The following BBS9 variants were observed in gnomAD, a reference collection of about 807,000 sequenced individuals.
BBS9 encodes the protein Bardet-Biedl syndrome 9.
BBS9 carries 89 observed loss-of-function variants against 117.7 expected under a neutral mutation model. The observed-to-expected ratio is 0.76, with a 90% CI of 0.64 to 0.90. The LOEUF (loss-of-function observed/expected upper bound fraction) is 0.90, where lower values mean the gene tolerates loss of function less well. BBS9 is among the 40% of genes least tolerant of loss of function. The pLI, the probability that BBS9 is intolerant of heterozygous loss-of-function variation, is 0.00. For missense variants in BBS9, 982 were observed against 1,042.2 expected (o/e 0.94, Z 0.80); for synonymous variants, 379 against 370.9 (o/e 1.02, Z -0.25).
intron 19 of BBS9, among the ~76,000 whole-genome samples, chr7:33,407,873 C>T (rs1439256106): frequency 3.3e-5 from 5 of 152,232 alleles, no homozygotes; most frequent in Non-Finnish European, 5.9e-5. Context: ...TTAGGCTGCT[C>T]GTGGGTCAGG....
chr7:33,538,773 TAA>T (rs56727625), intron 21 of BBS9, among the ~76,000 whole-genome samples: 5 of 144,684 alleles, frequency 3.5e-5, no homozygotes, highest in Non-Finnish European at 1.5e-5. Flanking sequence ...ATCTTGACAT[TAA>T]AAAAAAAAAA....
chr7:33,501,863 AC>A (rs1198275312), intron 19 of BBS9, among the ~76,000 whole-genome samples: 2 of 151,784 alleles, frequency 1.3e-5, no homozygotes, highest in African/African-American at 4.8e-5. Flanking sequence ...TGCCCAGCCT[AC>A]CTTTTTAATG....
chr7:33,130,288 A>C (rs1272144727), intron 1 of BBS9, among the ~76,000 whole-genome samples: 3 of 152,196 alleles, frequency 2.0e-5, no homozygotes, highest in African/African-American at 7.2e-5. Context: ...TTGGAGCATG[A>C]GCATCCTCCT....
At chr7:33,549,671 G>GA (rs1854039742) in intron 21 of BBS9, among the ~76,000 whole-genome samples, 1 of 151,498 alleles carries the variant, frequency 6.6e-6, no homozygotes, top group South Asian at 2.1e-4. Flanking sequence ...AAAAACACAT[G>GA]AAAAAATGCT....
intron 20 of BBS9, among the ~76,000 whole-genome samples, chr7:33,528,641 G>A (rs375215273): frequency 5.3e-5 from 8 of 151,986 alleles, no homozygotes; most frequent in Non-Finnish European, 8.8e-5. Context: ...TCAGAGTGCC[G>A]TACCACTTAT....
intron 1 of BBS9, among the ~76,000 whole-genome samples, chr7:33,138,879 G>A (rs1340921523): frequency 6.6e-6 from 1 of 151,118 alleles, no homozygotes; most frequent in African/African-American, 2.4e-5. Context: ...ATGAACCACT[G>A]TGCCTTGCCA....
intron 21 of BBS9, among the ~76,000 whole-genome samples, chr7:33,589,408 G>A (rs1264891371): frequency 6.6e-6 from 1 of 152,098 alleles, no homozygotes; most frequent in African/African-American, 2.4e-5. Flanking sequence ...ATTTCAGACT[G>A]TGGTTGATTG....
rs140633463 is a variant in BBS9, at chr7:33,602,968, G to A, written c.2522-1897G>A. 5.1e-3 allele frequency among the ~76,000 whole-genome samples: 780 copies of A among 152,278 alleles called. 4 individuals are homozygous for A. The highest frequency in any genetic ancestry group is 0.017 in the African/African-American group (725 of 41,562). On this transcript the variant is annotated intron_variant, in intron 21 of 22. Coordinates refer to ENST00000242067, the MANE Select transcript of BBS9 (RefSeq NM_198428.3). ...TATAGCAACTGGCTTTTCCTTTTGA[G>A]CCCACGTGATAGAGAACTAGGAAGT...
At chr7:33,482,292 T>C (rs968570197) in intron 19 of BBS9, among the ~76,000 whole-genome samples, 2 of 152,220 alleles carry the variant, frequency 1.3e-5, no homozygotes, top group African/African-American at 4.8e-5. Context: ...GCTGGTTGAC[T>C]ACCATGTTGC....
chr7:33,214,838 A>C (rs1400935682), intron 5 of BBS9, among the ~76,000 whole-genome samples: 1 of 152,228 alleles, frequency 6.6e-6, no homozygotes, highest in Non-Finnish European at 1.5e-5. Context: ...GTGGAGATAG[A>C]AAAAACAAAA....
In BBS9 at chr7:33,482,935, A is replaced by G. The variant is rs1408746958; in HGVS notation, c.2116-22528A>G. ...CATTTTCCATTTACTATGAATGGGAAATGGGAACTGTCCTATGAATATAAG... is the reference window on the plus strand; with the variant it reads ...CATTTTCCATTTACTATGAATGGGAGATGGGAACTGTCCTATGAATATAAG... On this transcript the variant is annotated intron_variant, in intron 19 of 22. Transcript: ENST00000242067. Among the ~76,000 whole-genome samples the G allele has an allele frequency of 3.9e-5, 6 of 152,210 alleles. No individual in the cohort carries two copies. The East Asian group carries it at 1.2e-3, about 29-fold the overall frequency.
intron 19 of BBS9, among the ~76,000 whole-genome samples, chr7:33,494,650 T>C (rs1172751548): frequency 1.3e-5 from 2 of 152,236 alleles, no homozygotes; most frequent in Non-Finnish European, 2.9e-5. Context: ...TAAATTACCA[T>C]CTTAATGGAT....
At chr7:33,461,252 AG>A (rs1262309927) in intron 19 of BBS9, among the ~76,000 whole-genome samples, 1 of 151,944 alleles carries the variant, frequency 6.6e-6, no homozygotes, top group African/African-American at 2.4e-5. Context: ...ACCTAGAAGT[AG>A]GGTTGTGGGA....
chr7:33,291,970 A>G (rs547478893), intron 9 of BBS9, among the ~76,000 whole-genome samples: 1 of 152,142 alleles, frequency 6.6e-6, no homozygotes. Context: ...TCTCCAGGGA[A>G]TTGGCTTATA....
intron 1 of BBS9, among the ~76,000 whole-genome samples, 167 bp from the exon 2 acceptor site, chr7:33,146,075 A>G (rs925999756): frequency 6.6e-6 from 1 of 152,252 alleles, no homozygotes. Flanking sequence ...TATCTGATTA[A>G]TGCTTCCAGC....
At chr7:33,331,465 A>T (rs1308192536) in intron 9 of BBS9, among the ~76,000 whole-genome samples, 2 of 152,220 alleles carry the variant, frequency 1.3e-5, no homozygotes, top group African/African-American at 4.8e-5. Flanking sequence ...GAAAAGAGGA[A>T]GTCAAATTGT....
At chr7:33,609,535 G>A (rs181307874), downstream of BBS9, among the ~76,000 whole-genome samples, 58 of 152,150 alleles carry the variant, frequency 3.8e-4, no homozygotes, top group African/African-American at 1.4e-3. Context: ...TTTATGATGA[G>A]TTTGTAATTG....
intron 19 of BBS9, among the ~76,000 whole-genome samples, chr7:33,488,988 C>CTT (rs869216155): frequency 2.4e-3 from 252 of 103,292 alleles, no homozygotes; most frequent in Non-Finnish European, 3.1e-3. Flanking sequence ...GGACAGACTT[C>CTT]TTTTTTTTTT....
chr7:33,215,654 C>T (rs1401913855), intron 5 of BBS9, among the ~76,000 whole-genome samples: 2 of 152,112 alleles, frequency 1.3e-5, no homozygotes, highest in African/African-American at 4.8e-5. Flanking sequence ...CACACACACA[C>T]ACAGGAATAT....
Sources: gnomAD v4.1 joint callset for allele counts (sites outside exome capture counted in the v4.1 genomes callset) on GRCh38, gnomAD v4.1.1 for gene constraint, MANE v1.5 for transcripts, NCBI Gene and HGNC (gene_info 2026-07-23, HGNC 2026-07-21) for gene names.